ZZEF1: variants seen among roughly 807,000 people sequenced by gnomAD.
ZZEF1 encodes the protein zinc finger ZZ-type and EF-hand domain containing 1.
In ZZEF1, 157 loss-of-function variants were observed where a neutral mutation model predicts 342.8. The ratio of observed to expected loss-of-function variants is 0.46; its 90% CI spans 0.40 to 0.52. The LOEUF is 0.52. ZZEF1 is among the 20% of genes least tolerant of loss of function. ZZEF1 has a pLI of 0.00. For synonymous variants in ZZEF1, 1,505 were observed against 1,429.1 expected, an observed-to-expected ratio of 1.05 and a Z score of -1.20; for missense variants, 3,480 against 3,725.6, an observed-to-expected ratio of 0.93 and a Z score of 1.72.
At chr17:4,087,258 C>A (rs1248464334) in intron 14 of ZZEF1, among the ~76,000 whole-genome samples, 176 bp downstream of exon 14, 2 of 151,968 alleles carry the variant, frequency 1.3e-5, no homozygotes, top group South Asian at 2.1e-4. Context: ...TTACTACTGC[C>A]TAAATATTTT....
chr17:4,080,659 G>A (rs1423042965), intron 18 of ZZEF1, among the ~76,000 whole-genome samples: 1 of 152,080 alleles, frequency 6.6e-6, no homozygotes, highest in Non-Finnish European at 1.5e-5. Flanking sequence ...CAAAGTGCTG[G>A]GATTACAGGC....
Position 4,005,022 on chromosome 17 carries a change from G to A in ZZEF1, c.*1868C>T, listed in dbSNP as rs902073458. 4 of 152,246 alleles carry A rather than the reference G, an allele frequency of 2.6e-5. No individual in the cohort carries two copies. The highest frequency in any genetic ancestry group is 7.2e-5 in the African/African-American group (3 of 41,408). 9.4% of individuals were successfully genotyped at this position (152,246 alleles called of 1,614,324 possible). A position where few individuals can be genotyped will look rare whatever the true frequency, so the allele number is the denominator to read the frequency against. On this transcript the variant is annotated 3_prime_UTR_variant, in exon 55 of 55. Coordinates refer to ENST00000381638, the MANE Select transcript of ZZEF1 (RefSeq NM_015113.4). Reference sequence around the variant, plus strand: ...CCACTGCCATAGGGGAGGTGACTCCGGCCCTACCGCCCGCTTTACTCGGAG... The same window carrying A: ...CCACTGCCATAGGGGAGGTGACTCCAGCCCTACCGCCCGCTTTACTCGGAG...
intron 26 of ZZEF1, among the ~76,000 whole-genome samples, chr17:4,068,941 TATA>T (rs531257456): frequency 9.9e-5 from 15 of 152,226 alleles, no homozygotes; most frequent in Non-Finnish European, 2.2e-4. Flanking sequence ...TCCTTAGACA[TATA>T]ATATCTATAT....
In ZZEF1 at chr17:4,009,565, T is replaced by C. The variant is rs374165067; in HGVS notation, c.8733+39A>G. The C allele has an allele frequency of 2.6e-4, 426 of 1,609,282 alleles. 1 individual carries two copies. Among genetic ancestry groups the C allele is most frequent in the Non-Finnish European group, 3.4e-4 (399 of 1,179,688 alleles). ...GGGTAGCAGAGGGAGCAAACGCACA[T>C]GGAGGCACCGGGCTCCCTGCCCAGA... On this transcript the variant is annotated intron_variant, in intron 53 of 54. Transcript: ENST00000381638.
chr17:4,077,814 AAAG>A, intron 19 of ZZEF1, 66 bp downstream of exon 19: 1 of 1,538,644 alleles, frequency 6.5e-7, no homozygotes, highest in Non-Finnish European at 8.9e-7. Flanking sequence ...ATGAGTTACT[AAAG>A]AAGAGAACAC....
intron 9 of ZZEF1, among the ~76,000 whole-genome samples, chr17:4,101,235 G>A (rs1037092866): frequency 6.6e-6 from 1 of 152,142 alleles, no homozygotes; most frequent in Non-Finnish European, 1.5e-5. Flanking sequence ...CATGAGTGCT[G>A]AGAACGAATA....
chr17:4,009,116 C>CTCCCGCCA, intron 53 of ZZEF1, 162 bp from the exon 54 acceptor site: 1 of 891,164 alleles, frequency 1.1e-6, no homozygotes, highest in Non-Finnish European at 1.7e-6. Flanking sequence ...AGAACCCTGG[C>CTCCCGCCA]GGGAGCCAGG....
chr17:4,019,051 C>T (rs537385066), intron 46 of ZZEF1, among the ~76,000 whole-genome samples: 4 of 151,320 alleles, frequency 2.6e-5, no homozygotes, highest in Admixed American at 6.6e-5. Flanking sequence ...TCTTAGTTAC[C>T]GCAGCTTAGA....
chr17:4,137,641 G>A (rs2058774136), intron 1 of ZZEF1, among the ~76,000 whole-genome samples: 1 of 152,100 alleles, frequency 6.6e-6, no homozygotes. Context: ...CACTCACCAA[G>A]GATCTTTCCT....
intron 33 of ZZEF1, among the ~76,000 whole-genome samples, chr17:4,055,304 T>C (rs1462406167): frequency 6.6e-6 from 1 of 152,176 alleles, no homozygotes; most frequent in African/African-American, 2.4e-5. Context: ...GCAAGCTCCA[T>C]CCAAGCACCA....
rs779928866 is a variant in ZZEF1, at chr17:4,021,132, G to T, written c.7401C>A (p.Phe2467Leu). 5 of 1,609,878 alleles carry T rather than the reference G, an allele frequency of 3.1e-6. No individual in the cohort carries two copies. In the South Asian group the frequency reaches 5.5e-5, roughly 18 times the overall value. Residue 2467 changes from phenylalanine (F) to leucine (L), a missense_variant, in exon 45 of 55, where the codon TTC becomes TTA. Phe to Leu is a conservative substitution (Grantham distance 22). This residue lies in a region of ZZEF1 where 1,269 missense variants were observed against 1,342.4 expected (regional missense o/e 0.95). Coordinates refer to ENST00000381638, the MANE Select transcript of ZZEF1 (RefSeq NM_015113.4). ...EGLDEPTRICFLMAHDALNAP... is the reference protein window; with the variant it reads ...EGLDEPTRICLLMAHDALNAP... ...ACAAGATGACTCAAGAACACACCAAGAAACATATTCTGGTGGGCTCATCCA... is the reference window on the plus strand; with the variant it reads ...ACAAGATGACTCAAGAACACACCAATAAACATATTCTGGTGGGCTCATCCA...
At chr17:4,032,728 A>C in intron 41 of ZZEF1, 100 bp downstream of exon 41, 7 of 1,270,876 alleles carry the variant, frequency 5.5e-6, no homozygotes, top group Non-Finnish European at 7.7e-6. Flanking sequence ...AAGCTTCCAA[A>C]GAGATCTATG....
At chr17:4,114,947 A>T (rs2058370549) in intron 3 of ZZEF1, among the ~76,000 whole-genome samples, 1 of 152,200 alleles carries the variant, frequency 6.6e-6, no homozygotes, top group Admixed American at 6.5e-5. Flanking sequence ...CATTTTCTAT[A>T]CATGATCAAA....
In ZZEF1 at chr17:4,142,719, A is replaced by C. The variant is rs1328250584; in HGVS notation, c.177T>G (p.Ala59=). Reference sequence around the variant, plus strand: ...GGGGTGTGGGCAGCAACGCTGCAGCAGCCTCTCGCAGCCTGGCCGGCTCCA... The same window carrying C: ...GGGGTGTGGGCAGCAACGCTGCAGCCGCCTCTCGCAGCCTGGCCGGCTCCA... ...ALLEPARLRE[A]AAALLPTPPC... is the part of the protein sequence containing the mutation. Residue 59 remains alanine (A), a synonymous_variant, in exon 1 of 55, where the codon GCT becomes GCG. Transcript: ENST00000381638. The C allele has an allele frequency of 5.8e-6, 9 of 1,561,088 alleles. No homozygotes were observed. The highest frequency in any genetic ancestry group is 6.9e-6 in the Non-Finnish European group (8 of 1,158,898).
rs1307077960 is a variant in ZZEF1, at chr17:4,142,596, G to A, written c.300C>T (p.Phe100=). ...CGCCGCGAGCCTCCAGCAGCTCCCGGAACTGCTCCAGAGTGACAGACTCTT... is the reference window on the plus strand; with the variant it reads ...CGCCGCGAGCCTCCAGCAGCTCCCGAAACTGCTCCAGAGTGACAGACTCTT... ...RGEESVTLEQ[F]RELLEARGAG... Residue 100 remains phenylalanine, a synonymous_variant, in exon 1 of 55, where the codon TTC becomes TTT. Coordinates refer to ENST00000381638, the MANE Select transcript of ZZEF1 (RefSeq NM_015113.4). 6.2e-7 allele frequency: 1 copy of A among 1,604,988 alleles called. No individual in the cohort carries two copies. Among genetic ancestry groups the A allele is most frequent in the Non-Finnish European group, 8.5e-7 (1 of 1,179,676 alleles).
intron 42 of ZZEF1, among the ~76,000 whole-genome samples, chr17:4,028,137 C>A (rs1315060535): frequency 6.6e-6 from 1 of 152,126 alleles, no homozygotes; most frequent in Non-Finnish European, 1.5e-5. Context: ...TAATAGTATA[C>A]CATTTCACAT....
intron 11 of ZZEF1, among the ~76,000 whole-genome samples, chr17:4,092,570 G>A (rs1253551400): frequency 2.0e-5 from 3 of 152,080 alleles, no homozygotes; most frequent in Admixed American, 2.0e-4. Context: ...GCCTTCCAAA[G>A]TGCGCTAGGA....
intron 38 of ZZEF1, among the ~76,000 whole-genome samples, chr17:4,042,831 G>A (rs1010035690): frequency 3.3e-5 from 5 of 152,156 alleles, no homozygotes; most frequent in South Asian, 4.1e-4. Flanking sequence ...ACAGGCGTGC[G>A]CCACCTTGCT....
chr17:4,128,829 TGGTG>T (rs2058618780), intron 1 of ZZEF1, among the ~76,000 whole-genome samples: 7 of 136,628 alleles, frequency 5.1e-5, no homozygotes, highest in African/African-American at 1.9e-4. Flanking sequence ...TGGAGTGCAG[TGGTG>T]GGATCTCGGC....
Sources: allele counts gnomAD v4.1 joint callset (sites outside exome capture counted in the v4.1 genomes callset), GRCh38; gene constraint gnomAD v4.1.1; regional missense constraint gnomAD v4.1.1; transcripts MANE v1.5; gene names NCBI Gene and HGNC (gene_info 2026-07-23, HGNC 2026-07-21).